The following IP6K3 variants were observed in gnomAD, a reference collection of about 807,000 sequenced individuals.
IP6K3 encodes inositol hexakisphosphate kinase 3.
A neutral mutation model predicts 28.8 loss-of-function variants in IP6K3; 20 were observed. The ratio of observed to expected loss-of-function variants is 0.70; its 90% confidence interval spans 0.49 to 1.01. IP6K3 has a LOEUF of 1.01. Among genes scored for constraint, IP6K3 ranks in the 50% least tolerant of loss-of-function variants. The pLI is 0.00. For synonymous variants in IP6K3, 213 were observed against 221.3 expected, an observed-to-expected ratio of 0.96 and a Z score of 0.33; for missense variants, 480 against 537.1, an observed-to-expected ratio of 0.89 and a Z score of 1.05.
Position 33,723,083 on chromosome 6 carries a change from A to G in IP6K3, c.870T>C (p.Asn290=), listed in dbSNP as rs1328309302. Residue 290 remains asparagine, a synonymous_variant, in exon 6 of 6, where the codon AAT becomes AAC. Coordinates refer to ENST00000293756, the MANE Select transcript of IP6K3 (RefSeq NM_054111.5). ...FRQALYQFLH[N]GSHLRRELLE... ...GGAGCTCCCTCCGGAGGTGGCTTCC[A>G]TTATGTAGGAACTGATAGAGGGCTT... is the stretch of plus-strand genomic sequence containing the variant. 3 of 1,614,198 alleles carry G rather than the reference A, an allele frequency of 1.9e-6. No homozygotes were observed. The highest frequency in any genetic ancestry group is 1.7e-5 in the Admixed American group (1 of 60,026).
chr6:33,724,421 G>A (rs779880888), intron 5 of IP6K3, among the ~76,000 whole-genome samples: 1 of 152,202 alleles, frequency 6.6e-6, no homozygotes, highest in Admixed American at 6.5e-5. Flanking sequence ...CGTCAAATCA[G>A]TGTCTGGTTT....
rs1477144275 is a variant in IP6K3 at position 33,721,773 on chromosome 6, A to C, written c.*947T>G. ...TAGGTTTCCATACTGCAGAAGAAGG[A>C]ATTAATTAGAACTGTTTGTTCTTAT... On this transcript the variant is annotated 3_prime_UTR_variant, in exon 6 of 6. Coordinates refer to ENST00000293756, the MANE Select transcript of IP6K3 (RefSeq NM_054111.5). 1 of 152,606 alleles carries C rather than the reference A, an allele frequency of 6.6e-6. No homozygotes were observed. Among genetic ancestry groups the C allele is most frequent in the African/African-American group, 2.4e-5 (1 of 41,426 alleles). The allele number at this position is 152,606 out of a possible 1,614,324, so 9.5% of individuals were successfully genotyped here. A position where few individuals can be genotyped will look rare whatever the true frequency, so the allele number is the denominator to read the frequency against.
the IP6K3 span, among the ~76,000 whole-genome samples, chr6:33,760,472 T>C: frequency 1.3e-5 from 2 of 150,766 alleles, no homozygotes; most frequent in Non-Finnish European, 2.9e-5. Flanking sequence ...GGGGCGTGAG[T>C]CTGTTCACTC....
upstream of IP6K3, among the ~76,000 whole-genome samples, chr6:33,748,661 A>AAAAAAAG (rs1361771697): frequency 7.0e-6 from 1 of 143,640 alleles, no homozygotes; most frequent in African/African-American, 2.6e-5. Context: ...AAAAAAAAAA[A>AAAAAAAG]AAAAAAGCCT....
chr6:33,727,250 G>A (rs553743857), intron 3 of IP6K3, among the ~76,000 whole-genome samples: 2 of 152,310 alleles, frequency 1.3e-5, no homozygotes, highest in African/African-American at 2.4e-5. Flanking sequence ...GGCCCTATCC[G>A]GAATCACAAG....
upstream of IP6K3, among the ~76,000 whole-genome samples, chr6:33,751,289 C>A (rs530478336): frequency 6.6e-6 from 1 of 152,290 alleles, no homozygotes; most frequent in East Asian, 1.9e-4. The surrounding 1 kb of genome is among the most constrained non-coding windows in gnomAD (Gnocchi z 4.3). Context: ...TCGGGCTCCC[C>A]AACAGCTGAA....
the IP6K3 span, among the ~76,000 whole-genome samples, chr6:33,757,415 C>T: frequency 1.3e-5 from 2 of 152,250 alleles, no homozygotes; most frequent in East Asian, 1.9e-4. Flanking sequence ...ATTTATGTGT[C>T]GTAACACTAA....
At chr6:33,743,305 G>A (rs540950105) in intron 1 of IP6K3, among the ~76,000 whole-genome samples, 2 of 152,212 alleles carry the variant, frequency 1.3e-5, no homozygotes, top group East Asian at 1.9e-4. Flanking sequence ...TGTGGCAGAC[G>A]GCAAAGCAGC....
the IP6K3 span, among the ~76,000 whole-genome samples, chr6:33,759,319 C>G: frequency 6.6e-6 from 1 of 152,156 alleles, no homozygotes; most frequent in Non-Finnish European, 1.5e-5. Flanking sequence ...CTCTGTCACC[C>G]AGGCTGGAGT....
At chr6:33,755,433 G>A in the IP6K3 span, among the ~76,000 whole-genome samples, 1 of 152,246 alleles carries the variant, frequency 6.6e-6, no homozygotes, top group Admixed American at 6.5e-5. Context: ...TGGAGAGTGT[G>A]GGGGCAGGGT....
intron 1 of IP6K3, among the ~76,000 whole-genome samples, chr6:33,745,207 G>A (rs1269806387): frequency 1.3e-5 from 2 of 152,246 alleles, no homozygotes; most frequent in Non-Finnish European, 1.5e-5. Flanking sequence ...GTGAACAAGA[G>A]AGCAACCATC....
At chr6:33,735,997 G>A (rs1394485786) in intron 1 of IP6K3, among the ~76,000 whole-genome samples, 1 of 152,030 alleles carries the variant, frequency 6.6e-6, no homozygotes, top group Non-Finnish European at 1.5e-5. Context: ...CCTCCAAGTA[G>A]CTGGGACTAC....
the IP6K3 span, among the ~76,000 whole-genome samples, chr6:33,755,069 G>C: frequency 6.6e-6 from 1 of 152,222 alleles, no homozygotes; most frequent in Non-Finnish European, 1.5e-5. Flanking sequence ...GACATAGTGA[G>C]ACCTGGCCAC....
chr6:33,740,026 CA>C (rs771524256), intron 1 of IP6K3, among the ~76,000 whole-genome samples: 6 of 152,190 alleles, frequency 3.9e-5, no homozygotes, highest in Non-Finnish European at 8.8e-5. Context: ...TTCCATGAGT[CA>C]ACTTGGGTGC....
At chr6:33,755,846 T>A in the IP6K3 span, among the ~76,000 whole-genome samples, 46 of 152,336 alleles carry the variant, frequency 3.0e-4, no homozygotes, top group Admixed American at 1.4e-3. Flanking sequence ...CAGCTAAATT[T>A]TTTTTATTTT....
chr6:33,747,073 G>T (rs557399406), upstream of IP6K3, among the ~76,000 whole-genome samples: 1 of 149,540 alleles, frequency 6.7e-6, no homozygotes, highest in African/African-American at 2.5e-5. This position sits in a 1 kb window ranked among gnomAD's most constrained non-coding sequence, Gnocchi z 5.2. Context: ...AGAGAGAAGA[G>T]GGGAGGAGGA....
chr6:33,751,520 T>G (rs3222665), upstream of IP6K3, among the ~76,000 whole-genome samples: 15,658 of 98,226 alleles, frequency 0.16, 1,459 homozygotes, highest in African/African-American at 0.31. The surrounding 1 kb of genome is among the most constrained non-coding windows in gnomAD (Gnocchi z 4.3). Flanking sequence ...GTGTGTGTGT[T>G]TGGCCCCGGG....
At chr6:33,723,968 G>T (rs545833649) in intron 5 of IP6K3, among the ~76,000 whole-genome samples, 13 of 152,070 alleles carry the variant, frequency 8.5e-5, no homozygotes, top group Non-Finnish European at 1.6e-4. Context: ...AGCTGAGGCT[G>T]AACTAAGGCC....
the IP6K3 span, among the ~76,000 whole-genome samples, chr6:33,758,811 C>T: frequency 1.3e-5 from 2 of 152,182 alleles, no homozygotes; most frequent in African/African-American, 4.8e-5. Flanking sequence ...GTTGGCCAGG[C>T]TGGTCTTGAA....
Sources: allele counts gnomAD v4.1 joint callset (sites outside exome capture counted in the v4.1 genomes callset), GRCh38; gene constraint gnomAD v4.1.1; non-coding constraint Gnocchi (gnomAD v3.1); transcripts MANE v1.5; gene names NCBI Gene and HGNC (gene_info 2026-07-23, HGNC 2026-07-21).